SERPINA12: variants seen among roughly 807,000 people sequenced by gnomAD.
The protein encoded by SERPINA12 is serpin A12.
SERPINA12 carries 21 observed loss-of-function variants against 25.9 expected under a neutral mutation model. That is an observed-to-expected ratio of 0.81 (90% CI 0.58 to 1.17). The LOEUF (loss-of-function observed/expected upper bound fraction) is 1.17. SERPINA12 is among the 50% of genes most tolerant of loss of function. The pLI is 0.00. For missense variants in SERPINA12, 562 were observed against 508.3 expected, an observed-to-expected ratio of 1.11 and a Z score of -1.02; for synonymous variants, 220 against 196.0, an observed-to-expected ratio of 1.12 and a Z score of -1.02.
At position 94,487,514 on chromosome 14, in the gene SERPINA12, A is replaced by T; in HGVS notation, c.1054-20T>A. ...CACAGCCTACGGAAGCCAAGGGCAA[A>T]GTCAAGGTCTGCCAAGCTCCTTGGC... On this transcript the variant is annotated intron_variant, in intron 4 of 4. Coordinates refer to ENST00000677451, the MANE Select transcript of SERPINA12 (RefSeq NM_001382267.1). 3 of 1,588,346 alleles carry T rather than the reference A, an allele frequency of 1.9e-6. No homozygotes were observed. The highest frequency in any genetic ancestry group is 2.6e-6 in the Non-Finnish European group (3 of 1,167,516).
chr14:94,502,566 T>G (rs1241573809), intron 1 of SERPINA12, among the ~76,000 whole-genome samples: 1 of 152,250 alleles, frequency 6.6e-6, no homozygotes, highest in African/African-American at 2.4e-5. Context: ...GAAGGTCTAC[T>G]CAGTGCACAG....
At chr14:94,497,666 A>T in intron 2 of SERPINA12, 98 bp downstream of exon 2, 1 of 1,133,542 alleles carries the variant, frequency 8.8e-7, no homozygotes, top group Admixed American at 2.4e-5. Flanking sequence ...TCACATATGA[A>T]TTCAAGGTCA....
intron 3 of SERPINA12, among the ~76,000 whole-genome samples, chr14:94,492,232 A>C (rs756068481): frequency 7.2e-5 from 11 of 152,136 alleles, no homozygotes; most frequent in Non-Finnish European, 1.6e-4. Flanking sequence ...CAGAAGCTGG[A>C]CTGGAGTGGA....
chr14:94,512,953 C>T (rs1901146142), upstream of SERPINA12, among the ~76,000 whole-genome samples: 1 of 152,188 alleles, frequency 6.6e-6, no homozygotes, highest in African/African-American at 2.4e-5. Flanking sequence ...TACGCAAGCC[C>T]ACACATCTAT....
At chr14:94,510,423 C>T (rs561775485), upstream of SERPINA12, among the ~76,000 whole-genome samples, 12 of 151,950 alleles carry the variant, frequency 7.9e-5, no homozygotes, top group South Asian at 2.3e-3. Flanking sequence ...TACAAGATGG[C>T]CATAATTAAA....
intron 2 of SERPINA12, 47 bp from the exon 3 acceptor site, chr14:94,496,690 AG>A (rs776284545): frequency 1.9e-6 from 3 of 1,558,056 alleles, no homozygotes; most frequent in African/African-American, 2.7e-5. Context: ...AAGGGAAAAA[AG>A]GTGACTAAAT....
At chr14:94,514,021 C>T (rs1595702625), upstream of SERPINA12, among the ~76,000 whole-genome samples, 2 of 152,260 alleles carry the variant, frequency 1.3e-5, no homozygotes, top group East Asian at 3.9e-4. Flanking sequence ...GGCCACCCCA[C>T]ATCTCAGCAC....
chr14:94,516,885 C>T (rs751083970), intron 1 of SERPINA12, among the ~76,000 whole-genome samples: 4 of 152,088 alleles, frequency 2.6e-5, no homozygotes, highest in Non-Finnish European at 4.4e-5. Context: ...CACAGGCAGG[C>T]ACCTAGGGAG....
chr14:94,489,767 C>T lies in SERPINA12; in HGVS notation c.906G>A (p.Arg302=), dbSNP rs148547175. ...GTCTGGGTACAGACACGTCTACGAC[C>T]CTGGGGAATTGACACGACAAGGGTG... ...FSRWKTLLSR[R]VVDVSVPRLH... is the part of the protein sequence containing the mutation. Residue 302 remains arginine, a splice_region_variant and synonymous_variant, in exon 4 of 5, where the codon AGG becomes AGA. Coordinates refer to ENST00000677451, the MANE Select transcript of SERPINA12 (RefSeq NM_001382267.1). 23 of 1,613,604 alleles carry T rather than the reference C, an allele frequency of 1.4e-5. No homozygotes were observed. The highest frequency in any genetic ancestry group is 1.8e-5 in the Non-Finnish European group (21 of 1,179,708).
chr14:94,498,415 C>G lies in SERPINA12; in HGVS notation c.-18G>C, dbSNP rs748872117. 4.4e-6 allele frequency: 7 copies of G among 1,609,034 alleles called. No homozygotes were observed. Among genetic ancestry groups the G allele is most frequent in the Non-Finnish European group, 4.2e-6 (5 of 1,177,450 alleles). On this transcript the variant is annotated 5_prime_UTR_variant, in exon 2 of 5. Transcript: ENST00000677451. ...GGGTTCATTTTCCTTGAAGAATATC[C>G]TGTTGAGTAGTAGACCTGAGGTCAG...
chr14:94,505,360 C>T (rs565070501), intron 1 of SERPINA12, among the ~76,000 whole-genome samples: 104 of 152,304 alleles, frequency 6.8e-4, no homozygotes, highest in African/African-American at 2.3e-3. Flanking sequence ...TCCAGAGCTG[C>T]CCAGATCAGA....
rs1303008444 is a variant in SERPINA12 at position 94,497,959 on chromosome 14, G to A, written c.439C>T (p.Gln147Ter). The A allele has an allele frequency of 5.0e-6, 8 of 1,614,072 alleles. No individual in the cohort carries two copies. The highest frequency in any genetic ancestry group is 4.5e-5 in the East Asian group (2 of 44,904). The change falls in exon 2 of 5, where the codon CAG (glutamine) becomes TAG (stop). Residue 147 changes from glutamine to a stop codon, truncating the protein, a stop_gained. Transcript: ENST00000677451. LOFTEE classifies it high-confidence loss of function. ...TTGGCATCTTCCAAAAACTTACGCTGTGGCTGCAGCCTCTGGTCAATGAAC... is the reference window on the plus strand; with the variant it reads ...TTGGCATCTTCCAAAAACTTACGCTATGGCTGCAGCCTCTGGTCAATGAAC... ...TLFIDQRLQP[Q>*]RKFLEDAKNF...
At chr14:94,500,716 T>C (rs1425388610) in intron 1 of SERPINA12, among the ~76,000 whole-genome samples, 1 of 152,008 alleles carries the variant, frequency 6.6e-6, no homozygotes, top group Non-Finnish European at 1.5e-5. Context: ...GACAAAGCCA[T>C]AGCACAAAGA....
At chr14:94,497,546 T>A (rs1480100137) in intron 2 of SERPINA12, among the ~76,000 whole-genome samples, 1 of 152,256 alleles carries the variant, frequency 6.6e-6, no homozygotes, top group Non-Finnish European at 1.5e-5. Flanking sequence ...ATGATAGACT[T>A]CATAAAGCTC....
chr14:94,504,680 T>A (rs1900870011), intron 1 of SERPINA12, among the ~76,000 whole-genome samples: 1 of 152,214 alleles, frequency 6.6e-6, no homozygotes, highest in Admixed American at 6.5e-5. Flanking sequence ...AGAACAGGAA[T>A]TAAAAATTCA....
intron 3 of SERPINA12, among the ~76,000 whole-genome samples, chr14:94,490,732 C>T (rs1595684806): frequency 1.3e-5 from 2 of 152,266 alleles, no homozygotes; most frequent in African/African-American, 4.8e-5. Context: ...GCTCTTTGAC[C>T]TCAACTTTTT....
At chr14:94,495,064 C>CT (rs71129685) in intron 3 of SERPINA12, among the ~76,000 whole-genome samples, 3,763 of 97,980 alleles carry the variant, frequency 0.038, 313 homozygotes, top group African/African-American at 0.12. Flanking sequence ...ATTTCCCTTT[C>CT]TTTTTTTTTT....
chr14:94,496,340 G>A (rs1241897405), intron 3 of SERPINA12, 33 bp downstream of exon 3: 2 of 1,612,622 alleles, frequency 1.2e-6, no homozygotes, highest in African/African-American at 1.3e-5. Context: ...ACAAGAGAAG[G>A]AAAAAGCTGC....
At chr14:94,508,885 T>A (rs1901025599) in intron 1 of SERPINA12, among the ~76,000 whole-genome samples, 1 of 152,214 alleles carries the variant, frequency 6.6e-6, no homozygotes, top group Non-Finnish European at 1.5e-5. Context: ...TTTGTCTTTG[T>A]CTCTGCAGAA....
Sources: gnomAD v4.1 joint callset for allele counts (sites outside exome capture counted in the v4.1 genomes callset) on GRCh38, gnomAD v4.1.1 for gene constraint, MANE v1.5 for transcripts, NCBI Gene and HGNC (gene_info 2026-07-23, HGNC 2026-07-21) for gene names.